CNGA4: variants seen among roughly 807,000 people sequenced by gnomAD.
CNGA4 encodes the protein cyclic nucleotide gated channel subunit alpha 4.
A neutral mutation model predicts 45.6 loss-of-function variants in CNGA4; 32 were observed. The ratio of observed to expected loss-of-function variants is 0.70; its 90% CI spans 0.53 to 0.94. CNGA4 has a LOEUF of 0.94. CNGA4 is among the 40% of genes least tolerant of loss of function. The pLI is 0.00. For synonymous variants in CNGA4, 293 were observed against 304.6 expected (o/e 0.96, Z 0.40); for missense variants, 726 against 755.1 (o/e 0.96, Z 0.45).
At chr11:6,237,534 A>T (rs1847853784), upstream of CNGA4, among the ~76,000 whole-genome samples, 1 of 139,122 alleles carries the variant, frequency 7.2e-6, no homozygotes, top group Non-Finnish European at 1.6e-5. Flanking sequence ...CAAAAGTAGA[A>T]AGCCTAGAAC....
upstream of CNGA4, among the ~76,000 whole-genome samples, chr11:6,238,403 A>T (rs373191207): frequency 7.9e-5 from 12 of 152,364 alleles, no homozygotes; most frequent in East Asian, 2.3e-3. Context: ...TGAAAGGAAC[A>T]TCAGGTTGAG....
chr11:6,242,271 G>A lies in CNGA4; in HGVS notation c.1267+491G>A, dbSNP rs1172569176. On this transcript the variant is annotated intron_variant, in intron 5 of 5. Transcript: ENST00000379936. ...CAACGTCGCACAGGTATACACATGT[G>A]GGATGAGTGGAAAAAACAACCTTTT... is the stretch of plus-strand genomic sequence containing the variant. 2.0e-5 allele frequency among the ~76,000 whole-genome samples: 3 copies of A among 151,908 alleles called. No homozygotes were observed. The East Asian group carries it at 5.8e-4, about 29-fold the overall frequency.
In CNGA4 at chr11:6,241,765, A is replaced by G; in HGVS notation, c.1252A>G (p.Ile418Val). Reference sequence around the variant, plus strand: ...AGGGCTCTACTTTGGGGAGATCAGCATCATCAACATCAAAGGTGGGTATCC... The same window carrying G: ...AGGGCTCTACTTTGGGGAGATCAGCGTCATCAACATCAAAGGTGGGTATCC... ...GAGLYFGEIS[I>V]INIKGNMSGN... The change falls in exon 5 of 6, where the codon ATC becomes GTC. Residue 418 changes from isoleucine (I) to valine (V), a missense_variant. Physicochemically the swap from Ile to Val is conservative, Grantham distance 29. Coordinates refer to ENST00000379936, the MANE Select transcript of CNGA4 (RefSeq NM_001037329.4). 1 of 1,614,122 alleles carries G rather than the reference A, an allele frequency of 6.2e-7. No homozygotes were observed.
intron 5 of CNGA4, 50 bp from the exon 6 acceptor site, chr11:6,243,899 C>G: frequency 1.9e-6 from 3 of 1,548,000 alleles, no homozygotes; most frequent in Non-Finnish European, 2.6e-6. Flanking sequence ...GAAATGCCAC[C>G]TCCTCACCCT....
chr11:6,239,263 G>A lies in CNGA4; in HGVS notation c.57G>A (p.Lys19=), dbSNP rs2133873363. The A allele has an allele frequency of 6.2e-7, 1 of 1,614,148 alleles. No individual in the cohort carries two copies. Among genetic ancestry groups the A allele is most frequent in the Non-Finnish European group, 8.5e-7 (1 of 1,179,980 alleles). The change falls in exon 1 of 6, where the codon AAG becomes AAA. Residue 19 remains lysine, a synonymous_variant. Transcript: ENST00000379936. ...TTESSPPAPS[K]ARKLLPVLDP... ...AGTCCAGTCCCCCAGCCCCATCCAA[G>A]GCCAGGTGAGAAGTCCTGGTCCCTT...
intron 5 of CNGA4, 92 bp downstream of exon 5, chr11:6,241,872 C>A (rs771795766): frequency 5.1e-6 from 6 of 1,178,392 alleles, no homozygotes; most frequent in Admixed American, 1.9e-5. Flanking sequence ...GTACTTCAGG[C>A]CTAAACTTCT....
Position 6,239,444 on chromosome 11 carries a change from G to T in CNGA4, c.123G>T (p.Met41Ile). The T allele has an allele frequency of 1.2e-6, 2 of 1,614,186 alleles. No individual in the cohort carries two copies. Among genetic ancestry groups the T allele is most frequent in the Non-Finnish European group, 1.7e-6 (2 of 1,180,030 alleles). Residue 41 changes from methionine (M) to isoleucine (I), a missense_variant, in exon 2 of 6, where the codon ATG becomes ATT. By Grantham distance (10) the Met-to-Ile change is conservative. Transcript: ENST00000379936. ...ACTACTACTGGTGGCTGAACACAAT[G>T]GTCTTCCCAGTCATGTATAACCTCA... ...GDYYYWWLNTMVFPVMYNLII... is the reference protein window; with the variant it reads ...GDYYYWWLNTIVFPVMYNLII...
Position 6,240,763 on chromosome 11 carries a change from C to T in CNGA4, c.917+52C>T. ...ACAGGGACCAGTGTAGGTGATGGAA[C>T]CTGAGGGAGGTAACTGGGTCCTTAG... is the stretch of plus-strand genomic sequence containing the variant. On this transcript the variant is annotated intron_variant, in intron 4 of 5. Transcript: ENST00000379936. The surrounding 1 kb of genome is among the most constrained non-coding windows in gnomAD (Gnocchi z 4.9). 6.4e-7 allele frequency: 1 copy of T among 1,570,114 alleles called. No individual in the cohort carries two copies. The highest frequency in any genetic ancestry group is 1.2e-5 in the South Asian group (1 of 84,612).
At chr11:6,236,496 A>C (rs1342558879), upstream of CNGA4, among the ~76,000 whole-genome samples, 2 of 152,198 alleles carry the variant, frequency 1.3e-5, no homozygotes, top group African/African-American at 4.8e-5. Flanking sequence ...GATTGGGTGG[A>C]TATAAGAGGA....
downstream of CNGA4, among the ~76,000 whole-genome samples, chr11:6,244,743 TACACCC>T (rs1416152444): frequency 3.9e-5 from 6 of 152,060 alleles, no homozygotes; most frequent in African/African-American, 1.2e-4. This position sits in a 1 kb window ranked among gnomAD's most constrained non-coding sequence, Gnocchi z 4.5. Flanking sequence ...CGATGTATCT[TACACCC>T]ACATAATATA....
chr11:6,236,419 C>G (rs117363131), upstream of CNGA4, among the ~76,000 whole-genome samples: 5 of 152,112 alleles, frequency 3.3e-5, no homozygotes, highest in African/African-American at 1.2e-4. Flanking sequence ...AAGGCCCAAA[C>G]TAGAGTAGCA....
chr11:6,239,873 C>G, intron 3 of CNGA4, 83 bp downstream of exon 3: 2 of 1,433,100 alleles, frequency 1.4e-6, no homozygotes, highest in Non-Finnish European at 1.9e-6. Context: ...GAAAGGCACC[C>G]CCACCGTGGT....
At chr11:6,238,727 A>G (rs1460945906), upstream of CNGA4, among the ~76,000 whole-genome samples, 3 of 152,380 alleles carry the variant, frequency 2.0e-5, no homozygotes, top group East Asian at 1.9e-4. Flanking sequence ...AGCACCTGAC[A>G]TAGATAAGCC....
rs772889780 is a variant in CNGA4 at position 6,243,981 on chromosome 11, A to T, written c.1300A>T (p.Ile434Phe). The T allele has an allele frequency of 6.2e-6, 10 of 1,613,878 alleles. No homozygotes were observed. Among genetic ancestry groups the T allele is most frequent in the Non-Finnish European group, 8.5e-6 (10 of 1,180,008 alleles). Reference sequence around the variant, plus strand: ...GTCTGGGAACCGCCGCACAGCCAACATCAAGAGCCTAGGTTATTCAGACCT... The same window carrying T: ...GTCTGGGAACCGCCGCACAGCCAACTTCAAGAGCCTAGGTTATTCAGACCT... ...NMSGNRRTANIKSLGYSDLFC... is the reference protein window; with the variant it reads ...NMSGNRRTANFKSLGYSDLFC... The change falls in exon 6 of 6, where the codon ATC (isoleucine) becomes TTC (phenylalanine). Residue 434 changes from isoleucine (I) to phenylalanine (F), a missense_variant. By Grantham distance (21) the Ile-to-Phe change is conservative. Transcript: ENST00000379936.
chr11:6,237,796 C>T (rs980226756), upstream of CNGA4, among the ~76,000 whole-genome samples: 1 of 152,172 alleles, frequency 6.6e-6, no homozygotes, highest in African/African-American at 2.4e-5. Flanking sequence ...TTCTAAAACA[C>T]ACTCCAAAAA....
chr11:6,241,087 T>A (rs574965141), intron 4 of CNGA4, among the ~76,000 whole-genome samples: 7 of 152,282 alleles, frequency 4.6e-5, no homozygotes, highest in African/African-American at 1.7e-4. Context: ...TGATTCATAC[T>A]GTGGACTGAA....
chr11:6,244,572 C>G, downstream of CNGA4: 1 of 597,522 alleles, frequency 1.7e-6, no homozygotes. The surrounding 1 kb of genome is among the most constrained non-coding windows in gnomAD (Gnocchi z 4.5). Flanking sequence ...CACATTCAGC[C>G]CCCACTTACC....
chr11:6,244,585 TAC>T (rs59621297), downstream of CNGA4, among the ~76,000 whole-genome samples: 16,812 of 141,414 alleles, frequency 0.12, 1,002 homozygotes, highest in Admixed American at 0.15. This position sits in a 1 kb window ranked among gnomAD's most constrained non-coding sequence, Gnocchi z 4.5. Context: ...CACTTACCAG[TAC>T]ACACACACAC....
At chr11:6,238,992 G>A (rs2133873033), upstream of CNGA4, 3 of 1,390,092 alleles carry the variant, frequency 2.2e-6, no homozygotes, top group Admixed American at 5.9e-5. Flanking sequence ...CCAGGCCCTG[G>A]GAGACAGGGC....
Sources: allele counts gnomAD v4.1 joint callset (sites outside exome capture counted in the v4.1 genomes callset), GRCh38; gene constraint gnomAD v4.1.1; non-coding constraint Gnocchi (gnomAD v3.1); transcripts MANE v1.5; gene names NCBI Gene and HGNC (gene_info 2026-07-23, HGNC 2026-07-21).